LITAF: variants seen among roughly 807,000 people sequenced by gnomAD.
The protein encoded by LITAF is lipopolysaccharide induced TNF factor, also known as lipopolysaccharide-induced tumor necrosis factor-alpha factor.
In LITAF, 9 loss-of-function variants were observed where a neutral mutation model predicts 14.5. The observed-to-expected ratio is 0.62, with a 90% confidence interval of 0.37 to 1.08. The LOEUF (loss-of-function observed/expected upper bound fraction) is 1.08, where lower values mean the gene tolerates loss of function less well. Ranked by LOEUF, LITAF falls within the 50% of genes least tolerant of loss-of-function variation. The pLI is 0.01. For synonymous variants in LITAF, 98 were observed against 88.2 expected, an observed-to-expected ratio of 1.11 and a Z score of -0.62; for missense variants, 206 against 213.4, an observed-to-expected ratio of 0.97 and a Z score of 0.22.
At chr16:11,583,428 A>G (rs2064768050) in intron 1 of LITAF, among the ~76,000 whole-genome samples, 2 of 152,202 alleles carry the variant, frequency 1.3e-5, no homozygotes, top group African/African-American at 4.8e-5. Context: ...TTTTTCATCA[A>G]ACAGTGCAAG....
At position 11,586,129 on chromosome 16, in the gene LITAF, G is replaced by A. The variant is rs764325828; in HGVS notation, c.-6+757C>T. ...CACTTCTGCCACCAGTCACCAGCTGGTCCCACCAGCACCTACCCAGCACCG... is the reference window on the plus strand; with the variant it reads ...CACTTCTGCCACCAGTCACCAGCTGATCCCACCAGCACCTACCCAGCACCG... On this transcript the variant is annotated intron_variant, in intron 1 of 3. Transcript: ENST00000622633. The surrounding 1 kb of genome is among the most constrained non-coding windows in gnomAD (Gnocchi z 6.5). 6.6e-6 allele frequency: 1 copy of A among 152,578 alleles called. No homozygotes were observed. Among genetic ancestry groups the A allele is most frequent in the Non-Finnish European group, 1.5e-5 (1 of 68,332 alleles). 9.5% of individuals were successfully genotyped at this position (152,578 alleles called of 1,614,324 possible).
At chr16:11,569,104 G>C (rs1465314713) in intron 1 of LITAF, among the ~76,000 whole-genome samples, 2 of 152,160 alleles carry the variant, frequency 1.3e-5, no homozygotes, top group Non-Finnish European at 2.9e-5. Context: ...AGTGTCCAAG[G>C]CTGAGAACTG....
chr16:11,601,687 T>A (rs2064929245), upstream of LITAF, among the ~76,000 whole-genome samples: 1 of 152,082 alleles, frequency 6.6e-6, no homozygotes, highest in African/African-American at 2.4e-5. Context: ...CTCCCCTGCC[T>A]CAGCCTCCCC....
At chr16:11,571,590 C>T (rs890706547) in intron 1 of LITAF, among the ~76,000 whole-genome samples, 1 of 152,178 alleles carries the variant, frequency 6.6e-6, no homozygotes, top group Non-Finnish European at 1.5e-5. Flanking sequence ...AGAGGTCAGA[C>T]CCCCTCAACC....
intron 3 of LITAF, among the ~76,000 whole-genome samples, chr16:11,611,209 G>T (rs763763095): frequency 2.9e-4 from 44 of 152,084 alleles, no homozygotes; most frequent in Non-Finnish European, 5.4e-4. Context: ...CAGGCGTGGT[G>T]GCACAAGCCT....
chr16:11,619,833 A>G (rs1471216773), intron 3 of LITAF, among the ~76,000 whole-genome samples: 1 of 151,932 alleles, frequency 6.6e-6, no homozygotes, highest in Non-Finnish European at 1.5e-5. Context: ...TTGGCCTCTG[A>G]TATAGTTTGA....
At chr16:11,565,271 C>T (rs181138930) in intron 1 of LITAF, among the ~76,000 whole-genome samples, 13 of 151,744 alleles carry the variant, frequency 8.6e-5, no homozygotes, top group Middle Eastern at 3.4e-3. Flanking sequence ...TTAGTAGAGA[C>T]GGGGTTTCAC....
chr16:11,637,184 C>T (rs1201624988), upstream of LITAF, among the ~76,000 whole-genome samples: 1 of 152,202 alleles, frequency 6.6e-6, no homozygotes, highest in East Asian at 1.9e-4. Context: ...GGCCACCGCG[C>T]CTGGTCTGCC....
chr16:11,557,069 T>TG (rs1333481121), intron 1 of LITAF, among the ~76,000 whole-genome samples: 3 of 81,528 alleles, frequency 3.7e-5, no homozygotes, highest in African/African-American at 1.5e-4. Flanking sequence ...TCGTTGTTTT[T>TG]TTTTGTTTGT....
At chr16:11,618,931 C>T (rs1379629852) in intron 3 of LITAF, among the ~76,000 whole-genome samples, 3 of 150,728 alleles carry the variant, frequency 2.0e-5, no homozygotes, top group Non-Finnish European at 4.4e-5. Flanking sequence ...TGCAGTGAGC[C>T]GAGATTACGC....
upstream of LITAF, among the ~76,000 whole-genome samples, chr16:11,637,175 G>A (rs903702902): frequency 6.6e-6 from 1 of 152,206 alleles, no homozygotes; most frequent in African/African-American, 2.4e-5. Flanking sequence ...ATAGGCGCAG[G>A]CCACCGCGCC....
chr16:11,573,118 T>C (rs2064571991), intron 1 of LITAF, among the ~76,000 whole-genome samples: 2 of 151,914 alleles, frequency 1.3e-5, no homozygotes, highest in Non-Finnish European at 2.9e-5. Context: ...TTGGTAGAGA[T>C]GGGGTCTCAC....
At chr16:11,623,339 C>A (rs1597374859) in intron 3 of LITAF, among the ~76,000 whole-genome samples, 1 of 151,994 alleles carries the variant, frequency 6.6e-6, no homozygotes, top group Non-Finnish European at 1.5e-5. Context: ...TCAGGCATGG[C>A]TGAATCCAGG....
intron 1 of LITAF, among the ~76,000 whole-genome samples, chr16:11,577,191 C>T (rs888895116): frequency 6.6e-6 from 1 of 152,212 alleles, no homozygotes; most frequent in African/African-American, 2.4e-5. Context: ...TATATTTCCC[C>T]ACGAGGGCTT....
At chr16:11,563,141 T>C (rs1424642505) in intron 1 of LITAF, among the ~76,000 whole-genome samples, 3 of 138,698 alleles carry the variant, frequency 2.2e-5, no homozygotes, top group African/African-American at 5.1e-5. Context: ...CACAAAAAAA[T>C]TATAATAATA....
At chr16:11,637,956 CTATATATATCTATATATCTA>C (rs1567270872), upstream of LITAF, among the ~76,000 whole-genome samples, 18 of 53,164 alleles carry the variant, frequency 3.4e-4, 4 homozygotes, top group African/African-American at 2.0e-3. Context: ...CTATATATAT[CTATATATATCTATATATCTA>C]TATATATCTA....
intron 3 of LITAF, among the ~76,000 whole-genome samples, chr16:11,609,145 G>C (rs1369229430): frequency 6.9e-4 from 105 of 151,816 alleles, no homozygotes; most frequent in Admixed American, 6.9e-3. Context: ...GTAGAAAAAT[G>C]TTCTGAAACT....
intron 3 of LITAF, among the ~76,000 whole-genome samples, chr16:11,607,283 T>G (rs2064959644): frequency 6.6e-6 from 1 of 152,258 alleles, no homozygotes; most frequent in Non-Finnish European, 1.5e-5. Flanking sequence ...CTCACTATCA[T>G]GTTCCCTGCA....
chr16:11,617,055 A>C (rs1361009081), intron 3 of LITAF, among the ~76,000 whole-genome samples: 1 of 151,582 alleles, frequency 6.6e-6, no homozygotes, highest in East Asian at 1.9e-4. Context: ...CCCCATCTCT[A>C]CTAAAAATAC....
Sources: gnomAD v4.1 joint callset for allele counts (sites outside exome capture counted in the v4.1 genomes callset) on GRCh38, gnomAD v4.1.1 for gene constraint, Gnocchi (gnomAD v3.1) non-coding constraint, MANE v1.5 for transcripts, NCBI Gene and HGNC (gene_info 2026-07-23, HGNC 2026-07-21) for gene names.